The following ANKRD17 variants were observed in gnomAD, a reference collection of about 807,000 sequenced individuals.
ANKRD17 encodes ankyrin repeat domain 17, also known as ankyrin repeat domain-containing protein 17.
In ANKRD17, 19 loss-of-function variants were observed where a neutral mutation model predicts 229.7. The observed-to-expected ratio is 0.08, with a 90% CI of 0.06 to 0.12. ANKRD17 has a LOEUF of 0.12. Ranked by LOEUF, ANKRD17 falls within the 10% of genes least tolerant of loss-of-function variation. The pLI, the probability that ANKRD17 is intolerant of heterozygous loss-of-function variation, is 1.00. For missense variants in ANKRD17, 2,176 were observed against 3,176.8 expected, an observed-to-expected ratio of 0.68 and a Z score of 7.57; for synonymous variants, 1,112 against 1,146.1, an observed-to-expected ratio of 0.97 and a Z score of 0.60.
chr4:73,107,282 G>C (rs867114835), intron 24 of ANKRD17, among the ~76,000 whole-genome samples: 3 of 152,224 alleles, frequency 2.0e-5, no homozygotes, highest in South Asian at 4.1e-4. Flanking sequence ...TCTCAATAAA[G>C]AGTAGTAATA....
chr4:73,180,041 C>T (rs116139334), intron 1 of ANKRD17, among the ~76,000 whole-genome samples: 112 of 151,800 alleles, frequency 7.4e-4, no homozygotes, highest in African/African-American at 2.6e-3. Flanking sequence ...AGCAAATAAA[C>T]AAATGTATGA....
intron 18 of ANKRD17, 88 bp from the exon 19 acceptor site, chr4:73,121,847 T>C (rs1403853398): frequency 1.5e-6 from 2 of 1,317,032 alleles, no homozygotes; most frequent in African/African-American, 1.5e-5. Flanking sequence ...TCTGGTATAC[T>C]GTACAATAAA....
At chr4:73,098,052 A>C in intron 26 of ANKRD17, 21 bp downstream of exon 26, 1 of 1,561,630 alleles carries the variant, frequency 6.4e-7, no homozygotes, top group Non-Finnish European at 8.7e-7. Flanking sequence ...ATAAATATTG[A>C]AAATAAAAAT....
chr4:73,252,947 T>G (rs997844175), intron 1 of ANKRD17, among the ~76,000 whole-genome samples: 2 of 152,134 alleles, frequency 1.3e-5, no homozygotes, highest in Non-Finnish European at 2.9e-5. Context: ...GCCGTCCAAC[T>G]GCAAAAAAGC....
chr4:73,142,998 C>T (rs531214043), intron 11 of ANKRD17, among the ~76,000 whole-genome samples: 24 of 152,108 alleles, frequency 1.6e-4, no homozygotes, highest in African/African-American at 4.3e-4. Flanking sequence ...CAGACAAACA[C>T]GATATAATTT....
chr4:73,258,746 C>T lies in ANKRD17; in HGVS notation c.-78G>A. The T allele has an allele frequency of 1.5e-6, 2 of 1,370,208 alleles. No homozygotes were observed. Among genetic ancestry groups the T allele is most frequent in the African/African-American group, 1.6e-5 (1 of 64,226 alleles). The allele number at this position is 1,370,208 out of a possible 1,614,324, so 84.9% of individuals were successfully genotyped here. A position where few individuals can be genotyped will look rare whatever the true frequency, so the allele number is the denominator to read the frequency against. ...TACCGCGACTTCGGCCGCACTGGGG[C>T]CGACACAGCAATCGGTGCCGCCTCC... On this transcript the variant is annotated 5_prime_UTR_variant, in exon 1 of 34. Transcript: ENST00000358602.
At chr4:73,112,105 T>C (rs558004139) in intron 24 of ANKRD17, among the ~76,000 whole-genome samples, 1 of 152,118 alleles carries the variant, frequency 6.6e-6, no homozygotes, top group South Asian at 2.1e-4. Context: ...GAAAGAGTAA[T>C]AAAAAACAAG....
chr4:73,098,507 G>A lies in ANKRD17; in HGVS notation c.4587C>T (p.Val1529=). Residue 1529 remains valine, a synonymous_variant, in exon 26 of 34, where the codon GTC becomes GTT. Coordinates refer to ENST00000358602, the MANE Select transcript of ANKRD17 (RefSeq NM_032217.5). ...TTGTGGCACTTGGAGGTTCTGTCAA[G>A]ACTTCAGGCTCATCTGTAAAAGTAG... ...EKLKVEDEPE[V]LTEPPSATTT... 1.2e-6 allele frequency: 2 copies of A among 1,612,386 alleles called. No homozygotes were observed. The highest frequency in any genetic ancestry group is 8.5e-7 in the Non-Finnish European group (1 of 1,179,508).
intron 1 of ANKRD17, among the ~76,000 whole-genome samples, chr4:73,196,891 T>A (rs1737957086): frequency 6.6e-6 from 1 of 152,238 alleles, no homozygotes; most frequent in African/African-American, 2.4e-5. Flanking sequence ...GGAATTGGAA[T>A]ACTTAAGAAA....
chr4:73,119,964 G>T (rs1354559449), intron 21 of ANKRD17, among the ~76,000 whole-genome samples, 198 bp downstream of exon 21: 4 of 152,138 alleles, frequency 2.6e-5, no homozygotes, highest in Admixed American at 1.3e-4. Context: ...ACATTTTTAG[G>T]TTACACAGAA....
rs570289306 is a variant in ANKRD17 at position 73,198,249 on chromosome 4, T to C, written c.394-20716A>G. 2.0e-3 allele frequency among the ~76,000 whole-genome samples: 298 copies of C among 152,320 alleles called. 1 individual carries two copies. The highest frequency in any genetic ancestry group is 2.5e-3 in the Non-Finnish European group (173 of 68,028). On this transcript the variant is annotated intron_variant, in intron 1 of 33. Coordinates refer to ENST00000358602, the MANE Select transcript of ANKRD17 (RefSeq NM_032217.5). The stretch of plus-strand genomic sequence containing the variant: ...TCACTGACTTTGACCCATTACCTAG[T>C]GATAAAATAATCATCATTTAATTGG...
chr4:73,187,100 T>C (rs1736402590), intron 1 of ANKRD17, among the ~76,000 whole-genome samples: 1 of 152,156 alleles, frequency 6.6e-6, no homozygotes, highest in South Asian at 2.1e-4. Context: ...CAGACTGACA[T>C]CAGACTTCCT....
At chr4:73,255,129 T>G (rs1169323279) in intron 1 of ANKRD17, among the ~76,000 whole-genome samples, 1 of 152,220 alleles carries the variant, frequency 6.6e-6, no homozygotes, top group Admixed American at 6.5e-5. Context: ...ATGCAAATTA[T>G]CTAAGACGTG....
At chr4:73,180,556 T>C (rs950606138) in intron 1 of ANKRD17, among the ~76,000 whole-genome samples, 2 of 152,208 alleles carry the variant, frequency 1.3e-5, no homozygotes, top group Admixed American at 6.5e-5. Flanking sequence ...AAAGTTCTTA[T>C]GTTATTCTTA....
At chr4:73,226,567 G>A (rs1381442124) in intron 1 of ANKRD17, among the ~76,000 whole-genome samples, 4 of 151,120 alleles carry the variant, frequency 2.6e-5, no homozygotes, top group South Asian at 4.2e-4. Flanking sequence ...CTAATTTCTC[G>A]TATTTTTAGT....
intron 25 of ANKRD17, among the ~76,000 whole-genome samples, chr4:73,101,427 G>A (rs761555041): frequency 6.6e-6 from 1 of 152,112 alleles, no homozygotes; most frequent in Admixed American, 6.5e-5. Flanking sequence ...ACTTTGGGTG[G>A]CTGAGGCAGG....
In ANKRD17 at chr4:73,135,126, A is replaced by G; in HGVS notation, c.3225T>C (p.Ile1075=). The change falls in exon 16 of 34, where the codon ATT becomes ATC. Residue 1075 remains isoleucine (I), a synonymous_variant. Coordinates refer to ENST00000358602, the MANE Select transcript of ANKRD17 (RefSeq NM_032217.5). The part of the protein sequence containing the change: ...AMLPIYPAID[I]DAQTESNHDT... ...TAAGTTTGGGACTTACCTGTGCATC[A>G]ATATCAATGGCAGGGTAGATAGGAA... The G allele has an allele frequency of 1.2e-6, 2 of 1,613,354 alleles. No homozygotes were observed. The highest frequency in any genetic ancestry group is 1.7e-6 in the Non-Finnish European group (2 of 1,179,524).
At chr4:73,184,681 T>A (rs1036776350) in intron 1 of ANKRD17, among the ~76,000 whole-genome samples, 4 of 151,296 alleles carry the variant, frequency 2.6e-5, no homozygotes, top group Admixed American at 2.6e-4. Flanking sequence ...AACACAAAAA[T>A]AATTTTGTTA....
At chr4:73,237,447 G>A (rs890989782) in intron 1 of ANKRD17, among the ~76,000 whole-genome samples, 3 of 152,182 alleles carry the variant, frequency 2.0e-5, no homozygotes, top group Non-Finnish European at 4.4e-5. Context: ...CTTCGATCTG[G>A]CCAAGAGAAG....
Sources: gnomAD v4.1 joint callset for allele counts (sites outside exome capture counted in the v4.1 genomes callset) on GRCh38, gnomAD v4.1.1 for gene constraint, MANE v1.5 for transcripts, NCBI Gene and HGNC (gene_info 2026-07-23, HGNC 2026-07-21) for gene names.